IFIH1: variants seen among roughly 807,000 people sequenced by gnomAD.
IFIH1 encodes interferon induced with helicase C domain 1.
In IFIH1, 125 loss-of-function variants were observed where a neutral mutation model predicts 107.4. The observed-to-expected ratio is 1.16, with a 90% CI of 1.01 to 1.35. The LOEUF (loss-of-function observed/expected upper bound fraction) is 1.35, where lower values mean the gene tolerates loss of function less well. Ranked by LOEUF, IFIH1 falls within the 40% of genes most tolerant of loss-of-function variation. The probability of loss-of-function intolerance (pLI) is 0.00; values close to 1 mark genes in which losing one functional copy is unlikely to be tolerated. For synonymous variants in IFIH1, 458 were observed against 413.2 expected, an observed-to-expected ratio of 1.11 and a Z score of -1.31; for missense variants, 1,333 against 1,213.7, an observed-to-expected ratio of 1.10 and a Z score of -1.46.
intron 2 of IFIH1, among the ~76,000 whole-genome samples, chr2:162,309,381 C>T (rs1683351094): frequency 1.3e-5 from 2 of 152,146 alleles, no homozygotes; most frequent in South Asian, 4.1e-4. Context: ...ACTGCCTTGG[C>T]CTCTGGGTCT....
In IFIH1 at chr2:162,267,138, A is replaced by G. The variant is rs1690939619; in HGVS notation, c.*62T>C. ...GTCAGTTCTGTAGCATAATGAATAC[A>G]TTAATCATAATCATATTAAATGTTT... On this transcript the variant is annotated 3_prime_UTR_variant, in exon 16 of 16. Transcript: ENST00000649979. The G allele has an allele frequency of 3.4e-6, 4 of 1,178,280 alleles. No homozygotes were observed. The Admixed American group carries it at 7.0e-5, about 21-fold the overall frequency. The allele number at this position is 1,178,280 out of a possible 1,614,324, so 73.0% of individuals were successfully genotyped here. A position where few individuals can be genotyped will look rare whatever the true frequency, so the allele number is the denominator to read the frequency against.
intron 3 of IFIH1, among the ~76,000 whole-genome samples, chr2:162,303,119 C>CT (rs965924588): frequency 3.3e-5 from 5 of 151,274 alleles, no homozygotes; most frequent in Non-Finnish European, 5.9e-5. Flanking sequence ...GAAGTCATTT[C>CT]TTTTTTTTTG....
At chr2:162,315,883 C>G (rs1412698010) in intron 1 of IFIH1, among the ~76,000 whole-genome samples, 2 of 152,188 alleles carry the variant, frequency 1.3e-5, no homozygotes, top group East Asian at 3.8e-4. Context: ...TCCACACTCT[C>G]ACAGAGAAAC....
chr2:162,310,837 C>G lies in IFIH1; in HGVS notation c.550G>C (p.Val184Leu). The stretch of plus-strand genomic sequence containing the variant: ...TCATTGTTTCCTGTTTGACGAAGAA[C>G]ATTCAGAAATGCAGAGAACCAGTTT... ...KENWFSAFLNVLRQTGNNELV... is the reference protein window; with the variant it reads ...KENWFSAFLNLLRQTGNNELV... The change falls in exon 2 of 16, where the codon GTT becomes CTT. Residue 184 changes from valine (V) to leucine (L), a missense_variant. Coordinates refer to ENST00000649979, the MANE Select transcript of IFIH1 (RefSeq NM_022168.4). 1 of 1,613,556 alleles carries G rather than the reference C, an allele frequency of 6.2e-7. No homozygotes were observed. The highest frequency in any genetic ancestry group is 8.5e-7 in the Non-Finnish European group (1 of 1,179,586).
chr2:162,314,885 C>T (rs1050456283), intron 1 of IFIH1, among the ~76,000 whole-genome samples: 1 of 152,186 alleles, frequency 6.6e-6, no homozygotes, highest in African/African-American at 2.4e-5. Flanking sequence ...CTTTTCACCA[C>T]TAGCATGGCA....
chr2:162,299,646 A>G (rs1437128216), intron 3 of IFIH1, among the ~76,000 whole-genome samples: 1 of 152,270 alleles, frequency 6.6e-6, no homozygotes, highest in South Asian at 2.1e-4. Flanking sequence ...GGACTTTCCT[A>G]CAATCATCAT....
At chr2:162,280,243 T>C (rs1682782776) in intron 7 of IFIH1, 131 bp from the exon 8 acceptor site, 1 of 621,280 alleles carries the variant, frequency 1.6e-6, no homozygotes, top group Non-Finnish European at 2.8e-6. Context: ...TAAAATTTCA[T>C]GAAAGTAATA....
intron 3 of IFIH1, among the ~76,000 whole-genome samples, chr2:162,302,887 A>T (rs61262153): frequency 0.093 from 14,178 of 152,232 alleles, 2,239 homozygotes; most frequent in African/African-American, 0.32. Context: ...TGAGAAATCC[A>T]GATATCATAA....
chr2:162,306,734 A>C lies in IFIH1; in HGVS notation c.744T>G (p.Ser248=), dbSNP rs768200600. ...CTGAAACTACAGAAGAATCTGCAAA[A>C]GATGATTCTGATGAGTTATTCTCCA... The part of the protein sequence containing the change: ...WGMENNSSES[S]FADSSVVSES... The change falls in exon 3 of 16, where the codon TCT becomes TCG. Residue 248 remains serine, a synonymous_variant. Transcript: ENST00000649979. 4.3e-6 allele frequency: 7 copies of C among 1,613,926 alleles called. No homozygotes were observed. Among genetic ancestry groups the C allele is most frequent in the Middle Eastern group, 1.7e-4 (1 of 6,060 alleles).
Position 162,318,481 on chromosome 2 carries a change from T to C in IFIH1, c.-174A>G. On this transcript the variant is annotated 5_prime_UTR_variant, in exon 1 of 16. Transcript: ENST00000649979. ...GGGCTCTCAGGCCGGCGCGCGGGGC[T>C]GCACTCGCACCTGGGCAGGTGGGCA... The C allele has an allele frequency of 1.8e-6, 1 of 571,102 alleles. No individual in the cohort carries two copies. The highest frequency in any genetic ancestry group is 3.0e-6 in the Non-Finnish European group (1 of 329,510). 35.4% of individuals were successfully genotyped at this position (571,102 alleles called of 1,614,324 possible). A position where few individuals can be genotyped will look rare whatever the true frequency, so the allele number is the denominator to read the frequency against.
chr2:162,288,822 G>A (rs6718365), intron 4 of IFIH1, among the ~76,000 whole-genome samples: 13,899 of 151,410 alleles, frequency 0.092, 2,162 homozygotes, highest in African/African-American at 0.32. Flanking sequence ...TCCCAATTCC[G>A]TATTTCCCCT....
chr2:162,282,462 C>T lies in IFIH1; in HGVS notation c.1210G>A (p.Val404Ile), dbSNP rs748544874. The T allele has an allele frequency of 2.5e-6, 4 of 1,611,352 alleles. No individual in the cohort carries two copies. In the South Asian group the frequency reaches 3.3e-5, roughly 13 times the overall value. The change falls in exon 6 of 16, where the codon GTC (valine) becomes ATC (isoleucine). Residue 404 changes from valine to isoleucine, a missense_variant. Transcript: ENST00000649979. ...TQLKISFPEVVKSCDIIISTA... is the reference protein window; with the variant it reads ...TQLKISFPEVIKSCDIIISTA... Reference sequence around the variant, plus strand: ...CTGATAATAATATCACAGGACTTGACAACTTCTGGAAATGATATTTTCAGT... The same window carrying T: ...CTGATAATAATATCACAGGACTTGATAACTTCTGGAAATGATATTTTCAGT...
At chr2:162,285,050 G>A (rs1447352565) in intron 5 of IFIH1, among the ~76,000 whole-genome samples, 1 of 152,016 alleles carries the variant, frequency 6.6e-6, no homozygotes, top group Non-Finnish European at 1.5e-5. Context: ...GAAGGACACA[G>A]AGAAAGCCAG....
At chr2:162,280,178 ACT>A in intron 7 of IFIH1, 66 bp from the exon 8 acceptor site, 1 of 841,352 alleles carries the variant, frequency 1.2e-6, no homozygotes, top group South Asian at 1.5e-5. Context: ...TCAACGTAGA[ACT>A]CTTTTTCATG....
intron 2 of IFIH1, among the ~76,000 whole-genome samples, chr2:162,309,224 G>A (rs1306739502): frequency 6.6e-6 from 1 of 152,122 alleles, no homozygotes; most frequent in African/African-American, 2.4e-5. Flanking sequence ...AGGTTCTAGG[G>A]CTCTGCAAGA....
intron 12 of IFIH1, 70 bp downstream of exon 12, chr2:162,273,725 A>G (rs547803724): frequency 1.7e-6 from 2 of 1,180,846 alleles, no homozygotes; most frequent in African/African-American, 3.2e-5. Context: ...TGTTTAACTA[A>G]AAGAAAGCAA....
intron 4 of IFIH1, among the ~76,000 whole-genome samples, chr2:162,289,404 A>G (rs16846573): frequency 0.02 from 3,045 of 151,890 alleles, 109 homozygotes; most frequent in African/African-American, 0.071. Context: ...AAAAATGCAT[A>G]GCTTATAATG....
rs1285352063 is a variant in IFIH1, at chr2:162,314,411, C to CTTTCT, written c.453+3439_453+3443dup. Among the ~76,000 whole-genome samples, 317 of 61,050 alleles carry CTTTCT rather than the reference C, an allele frequency of 5.2e-3. 14 individuals are homozygous for CTTTCT. Among genetic ancestry groups the CTTTCT allele is most frequent in the Middle Eastern group, 0.022 (2 of 90 alleles). 40.1% of individuals were successfully genotyped at this position (61,050 alleles called of 152,430 possible). ...CCCTCCCTCCCTCCTTTCTTTCTTT[C>CTTTCT]TTTCTTTTCTTTCTTTCTTTCTTTC... On this transcript the variant is annotated intron_variant, in intron 1 of 15. Transcript: ENST00000649979.
chr2:162,291,831 CATA>C (rs929258647), intron 4 of IFIH1, among the ~76,000 whole-genome samples: 1 of 151,836 alleles, frequency 6.6e-6, no homozygotes, highest in Non-Finnish European at 1.5e-5. Flanking sequence ...CAAGGAATTT[CATA>C]ATTTTACCAT....
Sources: gnomAD v4.1 joint callset for allele counts (sites outside exome capture counted in the v4.1 genomes callset) on GRCh38, gnomAD v4.1.1 for gene constraint, MANE v1.5 for transcripts, NCBI Gene and HGNC (gene_info 2026-07-23, HGNC 2026-07-21) for gene names.